The following TENM2 variants were observed in gnomAD, a reference collection of about 807,000 sequenced individuals.
The protein encoded by TENM2 is teneurin-2.
TENM2 carries 52 observed loss-of-function variants against 245.2 expected under a neutral mutation model. The observed-to-expected ratio is 0.21, with a 90% CI of 0.17 to 0.27. The LOEUF (loss-of-function observed/expected upper bound fraction) is 0.27. TENM2 is among the 10% of genes least tolerant of loss of function. The pLI is 1.00. For synonymous variants in TENM2, 1,363 were observed against 1,438.9 expected, an observed-to-expected ratio of 0.95 and a Z score of 1.19; for missense variants, 3,046 against 3,666.8, an observed-to-expected ratio of 0.83 and a Z score of 4.37.
At chr5:167,817,556 T>C (rs1403379543) in intron 2 of TENM2, among the ~76,000 whole-genome samples, 1 of 152,200 alleles carries the variant, frequency 6.6e-6, no homozygotes, top group African/African-American at 2.4e-5. Context: ...AACCATTAGA[T>C]AGTTAGATGG....
intron 2 of TENM2, among the ~76,000 whole-genome samples, chr5:167,525,289 C>T (rs930699400): frequency 6.5e-4 from 99 of 152,208 alleles, no homozygotes; most frequent in Non-Finnish European, 9.4e-4. Context: ...ACTGTGATGA[C>T]GTATTTTAAT....
intron 2 of TENM2, among the ~76,000 whole-genome samples, chr5:167,675,660 G>C (rs56842294): frequency 0.43 from 64,990 of 151,428 alleles, 16,635 homozygotes; most frequent in East Asian, 0.94. Flanking sequence ...TCCCAGCTCT[G>C]CTACTTAAAA....
At chr5:167,099,652 G>A in the TENM2 span, among the ~76,000 whole-genome samples, 1 of 152,160 alleles carries the variant, frequency 6.6e-6, no homozygotes, top group Non-Finnish European at 1.5e-5. Flanking sequence ...CTGAGATGGT[G>A]CCATTGCACT....
At chr5:167,824,384 G>GT (rs1255866985) in intron 2 of TENM2, among the ~76,000 whole-genome samples, 10 of 152,148 alleles carry the variant, frequency 6.6e-5, no homozygotes, top group African/African-American at 2.4e-4. Flanking sequence ...GGAAAGCCTT[G>GT]TATGGCCACA....
intron 2 of TENM2, among the ~76,000 whole-genome samples, chr5:167,649,315 A>G (rs77300775): frequency 0.019 from 2,884 of 152,278 alleles, 55 homozygotes; most frequent in Non-Finnish European, 0.027. Flanking sequence ...TTGACCTTAA[A>G]GGCTGCAAAA....
At chr5:167,740,151 AC>A (rs1438730997) in intron 2 of TENM2, among the ~76,000 whole-genome samples, 1 of 152,054 alleles carries the variant, frequency 6.6e-6, no homozygotes, top group Non-Finnish European at 1.5e-5. Context: ...ATTTTCACTT[AC>A]CGCCCCTTTG....
the TENM2 span, among the ~76,000 whole-genome samples, chr5:166,998,458 A>C: frequency 6.6e-6 from 1 of 152,182 alleles, no homozygotes; most frequent in East Asian, 1.9e-4. Context: ...CTTTAACGTA[A>C]CTACCATCAA....
chr5:167,476,193 G>C (rs1035939844), intron 2 of TENM2, among the ~76,000 whole-genome samples: 2 of 151,974 alleles, frequency 1.3e-5, no homozygotes, highest in Non-Finnish European at 2.9e-5. Flanking sequence ...ATTCTTATTC[G>C]GTCTTACAAA....
At chr5:167,360,034 G>C (rs1181476945) in intron 1 of TENM2, among the ~76,000 whole-genome samples, 1 of 152,172 alleles carries the variant, frequency 6.6e-6, no homozygotes, top group Admixed American at 6.5e-5. Context: ...TGGAGAGTGG[G>C]AGGAGCGAGG....
chr5:167,882,916 C>G (rs1051665608), intron 3 of TENM2, among the ~76,000 whole-genome samples: 13 of 152,194 alleles, frequency 8.5e-5, no homozygotes, highest in Non-Finnish European at 1.9e-4. Context: ...AAGCTTTCTT[C>G]TTGTTCTAGT....
At chr5:167,944,199 G>C (rs2151789815) in intron 3 of TENM2, among the ~76,000 whole-genome samples, 1 of 152,282 alleles carries the variant, frequency 6.6e-6, no homozygotes, top group East Asian at 1.9e-4. Context: ...TAGCTATTAA[G>C]CTCTTAACCC....
rs369949693 is a variant in TENM2, at chr5:168,079,309, A to G, written c.1516-11265A>G. ...TCCTGAGACTTTGCTGAAGTTGCTT[A>G]TCAGCTTAAGGAGATTTTGGGCTGA... On this transcript the variant is annotated intron_variant, in intron 7 of 28. Coordinates refer to ENST00000518659, the Ensembl canonical transcript of TENM2. Among the ~76,000 whole-genome samples, 95 of 152,352 alleles carry G rather than the reference A, an allele frequency of 6.2e-4. 5 individuals carry two copies. In the South Asian group the frequency reaches 0.018, roughly 29 times the overall value.
chr5:168,057,338 C>T (rs1206373974), intron 6 of TENM2, among the ~76,000 whole-genome samples: 1 of 151,866 alleles, frequency 6.6e-6, no homozygotes, highest in Non-Finnish European at 1.5e-5. Context: ...CACACTCACT[C>T]ACACTCACAC....
intron 3 of TENM2, among the ~76,000 whole-genome samples, chr5:167,920,412 G>A (rs895384661): frequency 6.6e-6 from 1 of 151,134 alleles, no homozygotes; most frequent in African/African-American, 2.4e-5. Context: ...CAGCTACTCA[G>A]GAGACTGAGG....
At chr5:167,441,104 A>C (rs1266336475) in intron 2 of TENM2, among the ~76,000 whole-genome samples, 1 of 152,204 alleles carries the variant, frequency 6.6e-6, no homozygotes, top group African/African-American at 2.4e-5. Flanking sequence ...CTGCATGCTC[A>C]GCCATGCATA....
chr5:168,122,672 A>G (rs771047118), intron 10 of TENM2, among the ~76,000 whole-genome samples: 1 of 152,186 alleles, frequency 6.6e-6, no homozygotes, highest in Non-Finnish European at 1.5e-5. Context: ...TCTCCAACTA[A>G]TAATAAGCAA....
At chr5:167,429,607 C>CT (rs10587909) in intron 2 of TENM2, among the ~76,000 whole-genome samples, 1,417 of 78,724 alleles carry the variant, frequency 0.018, 33 homozygotes, top group African/African-American at 0.039. Context: ...CTCTCTCTCT[C>CT]TTTTTTTTTT....
intron 3 of TENM2, among the ~76,000 whole-genome samples, chr5:167,928,397 T>A (rs553187130): frequency 8.3e-4 from 126 of 152,262 alleles, no homozygotes; most frequent in Middle Eastern, 3.4e-3. Flanking sequence ...TCTAGGCCCA[T>A]AAAGGATATT....
intron 2 of TENM2, among the ~76,000 whole-genome samples, chr5:167,506,315 G>T (rs547515006): frequency 1.3e-5 from 2 of 152,206 alleles, no homozygotes; most frequent in South Asian, 4.1e-4. Context: ...TCATGCAATT[G>T]TACCTACTCT....
Sources: allele counts gnomAD v4.1 joint callset (sites outside exome capture counted in the v4.1 genomes callset), GRCh38; gene constraint gnomAD v4.1.1; transcripts MANE v1.5; gene names NCBI Gene and HGNC (gene_info 2026-07-23, HGNC 2026-07-21).